The following PRKN variants were observed in gnomAD, a reference collection of about 807,000 sequenced individuals.
PRKN encodes the protein E3 ubiquitin-protein ligase parkin.
In PRKN, 56 loss-of-function variants were observed where a neutral mutation model predicts 59.5. That is an observed-to-expected ratio of 0.94 (90% CI 0.76 to 1.18). The LOEUF (loss-of-function observed/expected upper bound fraction) is 1.18. Ranked by LOEUF, PRKN falls within the 50% of genes most tolerant of loss-of-function variation. The pLI is 0.00. For synonymous variants in PRKN, 250 were observed against 222.1 expected, an observed-to-expected ratio of 1.13 and a Z score of -1.12; for missense variants, 657 against 596.4, an observed-to-expected ratio of 1.10 and a Z score of -1.06.
intron 4 of PRKN, among the ~76,000 whole-genome samples, chr6:162,079,089 C>T (rs1034069287): frequency 6.6e-5 from 10 of 152,020 alleles, no homozygotes; most frequent in African/African-American, 2.4e-4. Flanking sequence ...ATGAAATTCC[C>T]AAAGCTCAGC....
At chr6:161,864,390 T>C (rs747152178) in intron 6 of PRKN, among the ~76,000 whole-genome samples, 1 of 152,186 alleles carries the variant, frequency 6.6e-6, no homozygotes, top group South Asian at 2.1e-4. Context: ...CAAGTTTGAT[T>C]ATGAGATTAC....
In PRKN at chr6:161,360,397, G is replaced by T. The variant is rs925666997; in HGVS notation, c.1168-192C>A. Among the ~76,000 whole-genome samples the T allele has an allele frequency of 3.3e-5, 5 of 152,210 alleles. No homozygotes were observed. Among genetic ancestry groups the T allele is most frequent in the African/African-American group, 1.2e-4 (5 of 41,440 alleles). On this transcript the variant is annotated intron_variant, in intron 10 of 11. Transcript: ENST00000366898. The surrounding 1 kb of genome is among the most constrained non-coding windows in gnomAD (Gnocchi z 5.1). ...ATGGGGACACTCTCCCTGGCATGTG[G>T]CGTATGCGTAGGAGCGGGGAAGAGA...
At chr6:162,690,210 T>C (rs954353150) in intron 1 of PRKN, among the ~76,000 whole-genome samples, 1 of 152,006 alleles carries the variant, frequency 6.6e-6, no homozygotes, top group Non-Finnish European at 1.5e-5. Context: ...TAAAATTTAC[T>C]GAGCACTTAC....
At chr6:162,278,203 G>T (rs545835275) in intron 2 of PRKN, among the ~76,000 whole-genome samples, 1 of 152,154 alleles carries the variant, frequency 6.6e-6, no homozygotes, top group African/African-American at 2.4e-5. Context: ...ATTTGAAAAG[G>T]CCACATGTTG....
chr6:161,884,373 CTA>C (rs1332701532), intron 6 of PRKN, among the ~76,000 whole-genome samples: 5 of 152,170 alleles, frequency 3.3e-5, no homozygotes, highest in Non-Finnish European at 7.3e-5. Flanking sequence ...CAGACCACTG[CTA>C]TGAGCTGAAT....
At position 162,688,225 on chromosome 6, in the gene PRKN, T is replaced by C. The variant is rs546966038; in HGVS notation, c.7+39437A>G. On this transcript the variant is annotated intron_variant, in intron 1 of 11. Transcript: ENST00000366898. ...AAAACATAATGCATGATTCCATCTA[T>C]ATAACGTTCAAGAACAGACAAAAAT... 6.6e-5 allele frequency among the ~76,000 whole-genome samples: 10 copies of C among 152,306 alleles called. No homozygotes were observed. The South Asian group carries it at 1.7e-3, about 25-fold the overall frequency.
rs553467939 is a variant in PRKN, at chr6:162,650,795, C to T, written c.7+76867G>A. Among the ~76,000 whole-genome samples, 6 of 152,114 alleles carry T rather than the reference C, an allele frequency of 3.9e-5. No individual in the cohort carries two copies. The East Asian group carries it at 1.2e-3, about 29-fold the overall frequency. ...GTCCATTCTCTTGGAGTCTTCCTAA[C>T]AAAGATATAAAATTAAGGGAACTCA... is the stretch of plus-strand genomic sequence containing the variant. On this transcript the variant is annotated intron_variant, in intron 1 of 11. Coordinates refer to ENST00000366898, the MANE Select transcript of PRKN (RefSeq NM_004562.3).
At chr6:161,943,202 A>T (rs1779629192) in intron 6 of PRKN, among the ~76,000 whole-genome samples, 1 of 152,226 alleles carries the variant, frequency 6.6e-6, no homozygotes, top group Non-Finnish European at 1.5e-5. Context: ...GACATATTAC[A>T]ATTCTCCTCC....
chr6:161,988,210 T>C (rs1013797105), intron 5 of PRKN, among the ~76,000 whole-genome samples: 2 of 152,118 alleles, frequency 1.3e-5, no homozygotes, highest in Non-Finnish European at 2.9e-5. Flanking sequence ...AGAAAATTCT[T>C]CAGGGCTGGG....
intron 1 of PRKN, among the ~76,000 whole-genome samples, chr6:162,481,311 C>T (rs1792300805): frequency 6.6e-6 from 1 of 152,118 alleles, no homozygotes; most frequent in Admixed American, 6.6e-5. Flanking sequence ...ATCCTCATGT[C>T]CATGGAGAGG....
At chr6:162,706,560 C>T (rs1778347574) in intron 1 of PRKN, among the ~76,000 whole-genome samples, 1 of 152,150 alleles carries the variant, frequency 6.6e-6, no homozygotes, top group African/African-American at 2.4e-5. Context: ...GCCATGTCGT[C>T]CAAGTGCATA....
intron 4 of PRKN, among the ~76,000 whole-genome samples, chr6:162,086,853 T>G (rs553086222): frequency 6.6e-6 from 1 of 152,332 alleles, no homozygotes; most frequent in South Asian, 2.1e-4. Context: ...TTGTCTGAAT[T>G]CCAGTGACTA....
At chr6:161,663,985 G>A (rs1374887613) in intron 7 of PRKN, among the ~76,000 whole-genome samples, 7 of 152,174 alleles carry the variant, frequency 4.6e-5, no homozygotes, top group Non-Finnish European at 5.9e-5. Context: ...CGGGAGCTCC[G>A]CTAATGCAGC....
At chr6:162,631,252 C>T (rs528547570) in intron 1 of PRKN, among the ~76,000 whole-genome samples, 1 of 152,188 alleles carries the variant, frequency 6.6e-6, no homozygotes, top group South Asian at 2.1e-4. Flanking sequence ...AGTCCATGTG[C>T]ACTCAAATAT....
chr6:161,433,446 GTTT>G (rs1788741731), intron 9 of PRKN, among the ~76,000 whole-genome samples: 1 of 151,982 alleles, frequency 6.6e-6, no homozygotes, highest in Admixed American at 6.6e-5. Flanking sequence ...TCAGAACCTC[GTTT>G]TTAATTCTAG....
At chr6:161,573,773 T>TAG in intron 7 of PRKN, among the ~76,000 whole-genome samples, 1 of 68,764 alleles carries the variant, frequency 1.5e-5, no homozygotes, top group Non-Finnish European at 2.4e-5. Flanking sequence ...TATATATATA[T>TAG]ATATATATAT....
chr6:162,357,309 CAA>C (rs1173891460), intron 2 of PRKN, among the ~76,000 whole-genome samples: 2 of 151,804 alleles, frequency 1.3e-5, no homozygotes, highest in African/African-American at 4.8e-5. Flanking sequence ...TTTAAATGGT[CAA>C]AAGAGTTAAG....
At chr6:162,698,090 T>A (rs767788714) in intron 1 of PRKN, among the ~76,000 whole-genome samples, 1 of 152,200 alleles carries the variant, frequency 6.6e-6, no homozygotes, top group Non-Finnish European at 1.5e-5. Context: ...TATGCTAATG[T>A]ACAAAGGATG....
intron 9 of PRKN, among the ~76,000 whole-genome samples, chr6:161,425,467 A>G (rs1788299390): frequency 6.6e-6 from 1 of 152,162 alleles, no homozygotes; most frequent in Non-Finnish European, 1.5e-5. Context: ...TTTCAGAGGC[A>G]ACAAAATGAG....
Sources: allele counts gnomAD v4.1 joint callset (sites outside exome capture counted in the v4.1 genomes callset), GRCh38; gene constraint gnomAD v4.1.1; non-coding constraint Gnocchi (gnomAD v3.1); transcripts MANE v1.5; gene names NCBI Gene and HGNC (gene_info 2026-07-23, HGNC 2026-07-21).